Variants in PLGRKT observed in about 807,000 individuals in gnomAD.
The protein encoded by PLGRKT is plasminogen receptor with a C-terminal lysine.
Under a neutral mutation model 18.5 loss-of-function variants are expected in PLGRKT, and 22 were observed. The observed-to-expected ratio is 1.19, with a 90% CI of 0.85 to 1.70. The LOEUF (loss-of-function observed/expected upper bound fraction) is 1.70. Among genes scored for constraint, PLGRKT ranks in the 40% most tolerant of loss-of-function variants. PLGRKT has a pLI of 0.00. For synonymous variants in PLGRKT, 72 were observed against 52.8 expected (o/e 1.36, Z -1.58); for missense variants, 235 against 174.4 (o/e 1.35, Z -1.96).
intron 3 of PLGRKT, among the ~76,000 whole-genome samples, chr9:5,378,799 C>G (rs1230446488): frequency 6.6e-6 from 1 of 152,114 alleles, no homozygotes; most frequent in Admixed American, 6.5e-5. Flanking sequence ...ATTTAACCAT[C>G]TCTTTCAGAA....
intron 3 of PLGRKT, among the ~76,000 whole-genome samples, chr9:5,402,141 T>G (rs1399414420): frequency 6.6e-6 from 1 of 151,990 alleles, no homozygotes; most frequent in Non-Finnish European, 1.5e-5. Context: ...TAATGCAGGT[T>G]TCTGTTAAAT....
chr9:5,374,550 T>C (rs1020091769), intron 3 of PLGRKT, among the ~76,000 whole-genome samples: 7 of 152,240 alleles, frequency 4.6e-5, no homozygotes, highest in African/African-American at 1.7e-4. Context: ...TTTTTGCTTA[T>C]GGAAAGAACA....
intron 3 of PLGRKT, among the ~76,000 whole-genome samples, chr9:5,407,146 A>G (rs72703701): frequency 0.01 from 1,581 of 152,324 alleles, 3 homozygotes; most frequent in Middle Eastern, 0.051. Flanking sequence ...ATAATTTGGC[A>G]TCTAAAACAT....
At chr9:5,417,180 G>A (rs183137052) in intron 3 of PLGRKT, among the ~76,000 whole-genome samples, 35 of 152,232 alleles carry the variant, frequency 2.3e-4, no homozygotes, top group African/African-American at 8.2e-4. Context: ...CTTTTCAAAG[G>A]GGCTGTGTGG....
chr9:5,435,694 T>C (rs1417638354), intron 2 of PLGRKT, among the ~76,000 whole-genome samples: 2 of 152,238 alleles, frequency 1.3e-5, no homozygotes, highest in East Asian at 1.9e-4. Flanking sequence ...AGTTAGTTGG[T>C]TGCATTTCAG....
chr9:5,408,309 G>A (rs1818294311), intron 3 of PLGRKT, among the ~76,000 whole-genome samples: 1 of 152,282 alleles, frequency 6.6e-6, no homozygotes, highest in Admixed American at 6.5e-5. Context: ...AGGTGGATGA[G>A]GTCTCAGATG....
intron 3 of PLGRKT, among the ~76,000 whole-genome samples, chr9:5,365,510 G>T (rs2131064115): frequency 1.4e-5 from 2 of 138,304 alleles, no homozygotes; most frequent in Admixed American, 1.4e-4. Flanking sequence ...TTGATCTTGG[G>T]CTTTGCTTAG....
chr9:5,436,390 T>C (rs987574301), intron 2 of PLGRKT, among the ~76,000 whole-genome samples, 179 bp downstream of exon 2: 7 of 152,206 alleles, frequency 4.6e-5, no homozygotes, highest in African/African-American at 1.7e-4. Flanking sequence ...CTGCAAACAT[T>C]TATAAAGAAA....
chr9:5,433,114 G>A lies in PLGRKT; in HGVS notation c.-6-1131C>T, dbSNP rs530679281. 2.3e-4 allele frequency among the ~76,000 whole-genome samples: 33 copies of A among 140,426 alleles called. 3 individuals are homozygous for A. In the South Asian group the frequency reaches 6.4e-3, roughly 27 times the overall value. The allele number at this position is 140,426 out of a possible 152,430, so 92.1% of individuals were successfully genotyped here. A position where few individuals can be genotyped will look rare whatever the true frequency, so the allele number is the denominator to read the frequency against. On this transcript the variant is annotated intron_variant, in intron 2 of 5. Coordinates refer to ENST00000223864, the MANE Select transcript of PLGRKT (RefSeq NM_018465.4). The stretch of plus-strand genomic sequence containing the variant: ...AGGAGCGCCTCTGCCCAGCCACCCC[G>A]TCTGGGAAGAAGTGAGGAGCGCTTC...
At chr9:5,412,140 A>C (rs1433050528) in intron 3 of PLGRKT, among the ~76,000 whole-genome samples, 1 of 151,986 alleles carries the variant, frequency 6.6e-6, no homozygotes, top group East Asian at 1.9e-4. Flanking sequence ...GTCCAGAAAC[A>C]AATGCAAGTA....
chr9:5,393,119 G>A (rs1276390128), intron 3 of PLGRKT, among the ~76,000 whole-genome samples: 1 of 151,766 alleles, frequency 6.6e-6, no homozygotes, highest in Non-Finnish European at 1.5e-5. Context: ...TGGGATTACA[G>A]GTATGAGCCA....
chr9:5,387,769 A>C (rs2131104551), intron 3 of PLGRKT, among the ~76,000 whole-genome samples: 2 of 151,936 alleles, frequency 1.3e-5, no homozygotes, highest in East Asian at 3.9e-4. Context: ...TGTGCACATC[A>C]CTATATCTAT....
chr9:5,396,884 G>C (rs1030607573), intron 3 of PLGRKT, among the ~76,000 whole-genome samples: 8 of 151,870 alleles, frequency 5.3e-5, no homozygotes, highest in African/African-American at 1.7e-4. Flanking sequence ...TCAAAATTAA[G>C]CACTTCATTT....
chr9:5,409,050 C>T (rs1002304960), intron 3 of PLGRKT, among the ~76,000 whole-genome samples: 2 of 152,206 alleles, frequency 1.3e-5, no homozygotes, highest in African/African-American at 4.8e-5. Flanking sequence ...GATGTCCAGG[C>T]AGAAGCCTGC....
intron 3 of PLGRKT, among the ~76,000 whole-genome samples, chr9:5,369,990 A>G (rs575192699): frequency 6.6e-6 from 1 of 152,272 alleles, no homozygotes; most frequent in South Asian, 2.1e-4. Flanking sequence ...CCTAATGTAG[A>G]TAACGTGTTG....
At chr9:5,372,768 A>C (rs1817547065) in intron 3 of PLGRKT, among the ~76,000 whole-genome samples, 2 of 152,134 alleles carry the variant, frequency 1.3e-5, no homozygotes, top group Admixed American at 1.3e-4. Flanking sequence ...CCCAGGTGCG[A>C]GGGAGTCTGG....
intron 3 of PLGRKT, among the ~76,000 whole-genome samples, chr9:5,393,772 A>C (rs1277540689): frequency 6.6e-6 from 1 of 151,852 alleles, no homozygotes; most frequent in Non-Finnish European, 1.5e-5. Flanking sequence ...CTTTCTAACA[A>C]TATTTAACCA....
Position 5,359,318 on chromosome 9 carries a change from G to T in PLGRKT, c.323-958C>A, listed in dbSNP as rs150689748. 5.3e-3 allele frequency among the ~76,000 whole-genome samples: 813 copies of T among 152,140 alleles called. 10 individuals carry two copies. The highest frequency in any genetic ancestry group is 0.018 in the African/African-American group (767 of 41,518). On this transcript the variant is annotated intron_variant, in intron 5 of 5. Coordinates refer to ENST00000223864, the MANE Select transcript of PLGRKT (RefSeq NM_018465.4). ...GCCTGCTTTGGCCTCCCAAAGTGCT[G>T]GGATTACAGGTGTGAGCCACTGCAC...
chr9:5,416,091 C>A (rs1423619836), intron 3 of PLGRKT, among the ~76,000 whole-genome samples: 4 of 152,048 alleles, frequency 2.6e-5, no homozygotes, highest in Admixed American at 6.5e-5. Flanking sequence ...CCATGTTTTG[C>A]ACCTTTTCTG....
Sources: gnomAD v4.1 joint callset for allele counts (sites outside exome capture counted in the v4.1 genomes callset) on GRCh38, gnomAD v4.1.1 for gene constraint, MANE v1.5 for transcripts, NCBI Gene and HGNC (gene_info 2026-07-23, HGNC 2026-07-21) for gene names.